CFAP96: variants seen among roughly 807,000 people sequenced by gnomAD.
The protein encoded by CFAP96 is cilia and flagella associated protein 96, also known as cilia-and flagella-associated protein 96.
the CFAP96 span, among the ~76,000 whole-genome samples, chr4:185,437,433 A>G: frequency 7.9e-5 from 12 of 152,280 alleles, no homozygotes; most frequent in Non-Finnish European, 1.3e-4. Flanking sequence ...TAATTTGGAC[A>G]TTAAGCATTA....
the CFAP96 span, chr4:185,445,677 T>C: frequency 3.5e-6 from 2 of 570,518 alleles, no homozygotes; most frequent in East Asian, 6.0e-5. Flanking sequence ...ACTGAAAAAG[T>C]TCTTTGGAGT....
chr4:185,426,237 GC>G, the CFAP96 span: 4 of 271,670 alleles, frequency 1.5e-5, no homozygotes, highest in South Asian at 5.3e-5. Context: ...ATAAACGCCA[GC>G]TGTGGTGGAA....
chr4:185,418,253 G>A, the CFAP96 span, among the ~76,000 whole-genome samples: 1 of 152,110 alleles, frequency 6.6e-6, no homozygotes, highest in Non-Finnish European at 1.5e-5. Flanking sequence ...TTGAGATTAT[G>A]TATTATAATC....
the CFAP96 span, among the ~76,000 whole-genome samples, chr4:185,424,243 C>T: frequency 6.6e-6 from 1 of 151,988 alleles, no homozygotes; most frequent in Non-Finnish European, 1.5e-5. Context: ...GAGGTCAATG[C>T]TACAGTGAGC....
chr4:185,408,545 G>T, the CFAP96 span: 1 of 1,148,936 alleles, frequency 8.7e-7, no homozygotes, highest in Non-Finnish European at 1.2e-6. Flanking sequence ...TGTTACTTTA[G>T]TTCCTTATAA....
chr4:185,436,134 C>T, the CFAP96 span: 1 of 1,550,826 alleles, frequency 6.4e-7, no homozygotes, highest in Non-Finnish European at 8.7e-7. Context: ...ATACAAGGCA[C>T]CTGGAAAGAA....
the CFAP96 span, chr4:185,415,653 T>C: frequency 6.8e-7 from 1 of 1,461,142 alleles, no homozygotes. Flanking sequence ...TATACAAACA[T>C]GGGTTTGGGG....
At chr4:185,423,111 G>C in the CFAP96 span, among the ~76,000 whole-genome samples, 1 of 152,138 alleles carries the variant, frequency 6.6e-6, no homozygotes, top group Admixed American at 6.5e-5. Flanking sequence ...CGCCTGTCTC[G>C]GCCTCCCAAA....
chr4:185,443,343 T>TATATATATATATATATATATATATATA, the CFAP96 span, among the ~76,000 whole-genome samples: 2 of 19,214 alleles, frequency 1.0e-4, no homozygotes, highest in Non-Finnish European at 9.8e-5. Flanking sequence ...TATATATATA[T>TATATATATATATATATATATATATATA]TTTTTTTTTT....
the CFAP96 span, chr4:185,416,059 G>C: frequency 7.0e-6 from 3 of 431,474 alleles, no homozygotes; most frequent in Non-Finnish European, 1.2e-5. Context: ...ATGATCAACT[G>C]AGATAACTCA....
chr4:185,447,243 A>G, the CFAP96 span, among the ~76,000 whole-genome samples: 51 of 151,032 alleles, frequency 3.4e-4, no homozygotes, highest in African/African-American at 7.8e-4. Flanking sequence ...ATGCAGTGGC[A>G]CGATCTCGGC....
chr4:185,446,278 A>G, the CFAP96 span, among the ~76,000 whole-genome samples: 1 of 152,216 alleles, frequency 6.6e-6, no homozygotes, highest in African/African-American at 2.4e-5. Context: ...ACTTTTACCT[A>G]ATCAAAATAT....
At chr4:185,446,723 CAA>C in the CFAP96 span, among the ~76,000 whole-genome samples, 1 of 5,348 alleles carries the variant, frequency 1.9e-4, no homozygotes, top group Non-Finnish European at 1.6e-3. Context: ...CTATAGCCCA[CAA>C]CATTTTTTGT....
chr4:185,419,651 C>T, the CFAP96 span, among the ~76,000 whole-genome samples: 4 of 152,228 alleles, frequency 2.6e-5, no homozygotes, highest in Non-Finnish European at 5.9e-5. Context: ...CTGCTGTGGA[C>T]ATTTCACATA....
At chr4:185,436,452 C>A in the CFAP96 span, 1 of 929,022 alleles carries the variant, frequency 1.1e-6, no homozygotes, top group Non-Finnish European at 1.7e-6. Flanking sequence ...TGGCTCACAT[C>A]TGTAATCCCA....
the CFAP96 span, among the ~76,000 whole-genome samples, chr4:185,428,282 A>T: frequency 6.7e-6 from 1 of 149,656 alleles, no homozygotes; most frequent in Non-Finnish European, 1.5e-5. Flanking sequence ...ACTATTAGAA[A>T]TTAATTTCTG....
chr4:185,408,479 G>C, the CFAP96 span: 2 of 1,575,088 alleles, frequency 1.3e-6, no homozygotes, highest in Non-Finnish European at 1.7e-6. Flanking sequence ...ACTTAGGATA[G>C]AAGTACATAT....
the CFAP96 span, chr4:185,432,300 T>G: frequency 2.3e-6 from 2 of 887,434 alleles, no homozygotes; most frequent in Non-Finnish European, 3.4e-6. Context: ...GTAAGATGAA[T>G]TTTTAAGTAT....
chr4:185,418,253 G>C, the CFAP96 span, among the ~76,000 whole-genome samples: 1 of 152,110 alleles, frequency 6.6e-6, no homozygotes, highest in Non-Finnish European at 1.5e-5. Context: ...TTGAGATTAT[G>C]TATTATAATC....
Sources: gnomAD v4.1 joint callset for allele counts (sites outside exome capture counted in the v4.1 genomes callset) on GRCh38, gnomAD v4.1.1 for gene constraint, MANE v1.5 for transcripts, NCBI Gene and HGNC (gene_info 2026-07-23, HGNC 2026-07-21) for gene names.